The following ARHGEF1 variants were observed in gnomAD, a reference collection of about 807,000 sequenced individuals.
ARHGEF1 encodes 115 kDa guanine nucleotide exchange factor.
ARHGEF1 carries 40 observed loss-of-function variants against 119.7 expected under a neutral mutation model. That is an observed-to-expected ratio of 0.33 (90% CI 0.26 to 0.44). ARHGEF1 has a LOEUF of 0.44. ARHGEF1 is among the 20% of genes least tolerant of loss of function. ARHGEF1 has a pLI of 1.00. For synonymous variants in ARHGEF1, 494 were observed against 521.0 expected, an observed-to-expected ratio of 0.95 and a Z score of 0.71; for missense variants, 976 against 1,268.3, an observed-to-expected ratio of 0.77 and a Z score of 3.50.
rs1171687560 is a variant in ARHGEF1, at chr19:41,914,823, TCCCCCCCTTTCCACC to T, written c.1865+8021_1865+8035del. On this transcript the variant is annotated intron_variant, in intron 18 of 20. Coordinates refer to the ARHGEF1 transcript ENST00000599589. ...TCTCTCCCTCCCCCTCCACCGTGTC[TCCCCCCCTTTCCACC>T]GTCTCTGTCTCTCCCCCCCTCCACC... Among the ~76,000 whole-genome samples, 3 of 11,612 alleles carry T rather than the reference TCCCCCCCTTTCCACC, an allele frequency of 2.6e-4. 1 individual carries two copies. The highest frequency in any genetic ancestry group is 1.1e-3 in the African/African-American group (3 of 2,768). The allele number at this position is 11,612 out of a possible 152,430, so 7.6% of individuals were successfully genotyped here. A position where few individuals can be genotyped will look rare whatever the true frequency, so the allele number is the denominator to read the frequency against.
intron 18 of ARHGEF1, among the ~76,000 whole-genome samples, chr19:41,918,005 C>T (rs902722942): frequency 8.6e-5 from 13 of 151,984 alleles, no homozygotes; most frequent in African/African-American, 2.9e-4. Flanking sequence ...CAGGGGCCGG[C>T]CCTCGACAGG....
intron 1 of ARHGEF1, among the ~76,000 whole-genome samples, chr19:41,884,085 C>G (rs1272482328): frequency 6.6e-6 from 1 of 152,170 alleles, no homozygotes; most frequent in Non-Finnish European, 1.5e-5. Flanking sequence ...GGACGGGGAG[C>G]CCCAGTCCGC....
At position 41,895,505 on chromosome 19, in the gene ARHGEF1, A is replaced by G. The variant is rs370501388; in HGVS notation, c.1015+19A>G. The G allele has an allele frequency of 6.3e-7, 1 of 1,580,084 alleles. No homozygotes were observed. Among genetic ancestry groups the G allele is most frequent in the Admixed American group, 1.7e-5 (1 of 58,658 alleles). On this transcript the variant is annotated intron_variant, in intron 12 of 28. Transcript: ENST00000354532. ...GAACCAGGTGAGAGTTTCCTGGGCC[A>G]GGGCTCCATGAGGCCCGGCGATCCA... is the stretch of plus-strand genomic sequence containing the variant.
At chr19:41,893,351 G>T in intron 8 of ARHGEF1, 48 bp downstream of exon 8, 2 of 1,522,818 alleles carry the variant, frequency 1.3e-6, no homozygotes, top group Non-Finnish European at 8.9e-7. Context: ...TGAGGGAGGA[G>T]GGGGCTGAGG....
Position 41,902,657 on chromosome 19 carries a change from A to T in ARHGEF1, c.1622A>T (p.Gln541Leu), listed in dbSNP as rs1555849286. 1 of 1,614,112 alleles carries T rather than the reference A, an allele frequency of 6.2e-7. No individual in the cohort carries two copies. Among genetic ancestry groups the T allele is most frequent in the Non-Finnish European group, 8.5e-7 (1 of 1,180,030 alleles). ...RKDPRFCAFV[Q>L]EAESRPRCRR... ...GACCCTCGGTTCTGTGCCTTCGTGC[A>T]GGTGAGGTGGGGTCTGGACTCCAGC... Residue 541 changes from glutamine (Q) to leucine (L), a missense_variant and splice_region_variant, in exon 17 of 29, where the codon CAG becomes CTG. This residue lies in a region of ARHGEF1 where 286 missense variants were observed against 506.8 expected (regional missense o/e 0.56). Coordinates refer to ENST00000354532, the MANE Select transcript of ARHGEF1 (RefSeq NM_004706.4). This position sits in a 1 kb window ranked among gnomAD's most constrained non-coding sequence, Gnocchi z 6.5.
chr19:41,906,488 G>A lies in ARHGEF1; in HGVS notation c.2523G>A (p.Ala841=), dbSNP rs782392087. Residue 841 remains alanine, a synonymous_variant, in exon 27 of 29, where the codon GCG becomes GCA. Transcript: ENST00000354532. This position sits in a 1 kb window ranked among gnomAD's most constrained non-coding sequence, Gnocchi z 4.5. ...CCCTGAAGCAGCTTCTGTTTCCGGC[G>A]GAGGAAGACAATGGGGCGGGGCCTC... is the stretch of plus-strand genomic sequence containing the variant. The part of the protein sequence containing the change: ...VLSLKQLLFP[A]EEDNGAGPPR... 12 of 1,577,368 alleles carry A rather than the reference G, an allele frequency of 7.6e-6. No homozygotes were observed. Among genetic ancestry groups the A allele is most frequent in the African/African-American group, 5.5e-5 (4 of 72,276 alleles).
In ARHGEF1 at chr19:41,914,011, T is replaced by C. The variant is rs568619662; in HGVS notation, c.1865+7208T>C. 2.0e-5 allele frequency among the ~76,000 whole-genome samples: 3 copies of C among 148,702 alleles called. No homozygotes were observed. The East Asian group carries it at 6.1e-4, about 30-fold the overall frequency. On this transcript the variant is annotated intron_variant, in intron 18 of 20. Coordinates refer to the ARHGEF1 transcript ENST00000599589. ...ACCCTGATACTCCCCACTGCTCCCA[T>C]GCGCCCCCCAGCCAGAAACCCCTCA...
rs2074803920 is a variant in ARHGEF1, at chr19:41,916,734, C to T, written c.1866-6358C>T. The stretch of plus-strand genomic sequence containing the variant: ...ACGCATGGAGCCGTAGAGATACACA[C>T]ACCAGCACCAACCCAGACAGCCAAC... On this transcript the variant is annotated intron_variant, in intron 18 of 20. Transcript: ENST00000599589. This position sits in a 1 kb window ranked among gnomAD's most constrained non-coding sequence, Gnocchi z 5.4. Among the ~76,000 whole-genome samples, 2 of 152,038 alleles carry T rather than the reference C, an allele frequency of 1.3e-5. No individual in the cohort carries two copies. Among genetic ancestry groups the T allele is most frequent in the South Asian group, 4.1e-4 (2 of 4,822 alleles).
At chr19:41,893,249 A>G (rs1599638524) in intron 7 of ARHGEF1, 25 bp from the exon 8 acceptor site, 7 of 1,612,190 alleles carry the variant, frequency 4.3e-6, no homozygotes, top group Non-Finnish European at 5.9e-6. Flanking sequence ...CAAATATGTC[A>G]CAAACATCTC....
At position 41,903,829 on chromosome 19, in the gene ARHGEF1, C is replaced by T; in HGVS notation, c.1917+45C>T. The T allele has an allele frequency of 6.3e-7, 1 of 1,589,066 alleles. No individual in the cohort carries two copies. The highest frequency in any genetic ancestry group is 1.7e-5 in the Admixed American group (1 of 59,716). On this transcript the variant is annotated intron_variant, in intron 20 of 28. Transcript: ENST00000354532. This position sits in a 1 kb window ranked among gnomAD's most constrained non-coding sequence, Gnocchi z 4.2. ...CCTCCCCCGCCCCCCTACTCCTTGG[C>T]CCAGGGGATTCTGTGATACAGCCCC...
At chr19:41,894,152 G>GTGTGTGTGTC (rs2074436195) in intron 8 of ARHGEF1, 55 bp from the exon 9 acceptor site, 4 of 1,021,780 alleles carry the variant, frequency 3.9e-6, no homozygotes, top group Admixed American at 5.3e-5. Flanking sequence ...GTGTGTGTGT[G>GTGTGTGTGTC]TGTGTGTGTG....
Position 41,883,820 on chromosome 19 carries a change from C to A in ARHGEF1, c.-20+531C>A, listed in dbSNP as rs527715638. ...GTTTTCGGAAAGCTCTTTTCTAGGT[C>A]ATTAATTATACCGTGAGAGACAGGT... On this transcript the variant is annotated intron_variant, in intron 1 of 28. Transcript: ENST00000354532. This position sits in a 1 kb window ranked among gnomAD's most constrained non-coding sequence, Gnocchi z 7.6. Among the ~76,000 whole-genome samples the A allele has an allele frequency of 6.6e-5, 10 of 152,322 alleles. No homozygotes were observed. The South Asian group carries it at 2.1e-3, about 32-fold the overall frequency.
intron 13 of ARHGEF1, chr19:41,896,771 T>G: frequency 1.9e-6 from 1 of 521,704 alleles, no homozygotes; most frequent in Non-Finnish European, 3.5e-6. Flanking sequence ...CCACCACTCC[T>G]TCCATCTCCT....
intron 14 of ARHGEF1, among the ~76,000 whole-genome samples, chr19:41,901,534 T>C (rs1450132627): frequency 6.6e-6 from 1 of 152,128 alleles, no homozygotes; most frequent in East Asian, 1.9e-4. Flanking sequence ...CTCAACCTCC[T>C]GGGCTCAAGG....
chr19:41,922,654 G>A (rs1266477412), upstream of ARHGEF1, among the ~76,000 whole-genome samples: 2 of 152,122 alleles, frequency 1.3e-5, no homozygotes, highest in Non-Finnish European at 2.9e-5. Flanking sequence ...CTAGGGCAAG[G>A]GGCGGGGCCT....
In ARHGEF1 at chr19:41,904,446, G is replaced by A; in HGVS notation, c.2161+63G>A. On this transcript the variant is annotated intron_variant, in intron 22 of 28. Transcript: ENST00000354532. The surrounding 1 kb of genome is among the most constrained non-coding windows in gnomAD (Gnocchi z 8.4). Reference sequence around the variant, plus strand: ...TCTTTTTTGGGCAGAGCTGCCTGTGGAGTGGGGAGCAGAACCCTCTAGAGA... The same window carrying A: ...TCTTTTTTGGGCAGAGCTGCCTGTGAAGTGGGGAGCAGAACCCTCTAGAGA... 1 of 1,480,554 alleles carries A rather than the reference G, an allele frequency of 6.8e-7. No homozygotes were observed. The highest frequency in any genetic ancestry group is 2.5e-5 in the East Asian group (1 of 40,338). 91.7% of individuals were successfully genotyped at this position (1,480,554 alleles called of 1,614,324 possible).
chr19:41,909,554 C>A, downstream of ARHGEF1: 1 of 1,050,718 alleles, frequency 9.5e-7, no homozygotes, highest in South Asian at 3.4e-5. The surrounding 1 kb of genome is among the most constrained non-coding windows in gnomAD (Gnocchi z 5.2). Flanking sequence ...TGTGCTGTCC[C>A]AGGCATGGTG....
intron 14 of ARHGEF1, among the ~76,000 whole-genome samples, 200 bp from the exon 15 acceptor site, chr19:41,901,687 A>G (rs1265800237): frequency 6.6e-6 from 1 of 152,158 alleles, no homozygotes; most frequent in Non-Finnish European, 1.5e-5. Flanking sequence ...TCCTGGGTTC[A>G]AGCAATCCTC....
intron 4 of ARHGEF1, chr19:41,890,401 C>A (rs1478464451): frequency 6.7e-6 from 1 of 149,616 alleles, no homozygotes; most frequent in East Asian, 2.0e-4. Context: ...AATCCCAGAA[C>A]TTTGGAGGCT....
Sources: gnomAD v4.1 joint callset for allele counts (sites outside exome capture counted in the v4.1 genomes callset) on GRCh38, gnomAD v4.1.1 for gene constraint, gnomAD v4.1.1 regional missense constraint, Gnocchi (gnomAD v3.1) non-coding constraint, MANE v1.5 for transcripts, NCBI Gene and HGNC (gene_info 2026-07-23, HGNC 2026-07-21) for gene names.